The following FRMD5 variants were observed in gnomAD, a reference collection of about 807,000 sequenced individuals.
FRMD5 encodes the protein FERM domain containing 5.
In FRMD5, 20 loss-of-function variants were observed where a neutral mutation model predicts 69.0. The ratio of observed to expected loss-of-function variants is 0.29; its 90% CI spans 0.20 to 0.42. The LOEUF is 0.42. FRMD5 is among the 10% of genes least tolerant of loss of function. FRMD5 has a pLI of 1.00. For missense variants in FRMD5, 595 were observed against 708.6 expected (o/e 0.84, Z 1.82); for synonymous variants, 271 against 260.1 (o/e 1.04, Z -0.40).
intron 13 of FRMD5, chr15:43,879,623 G>C (rs2088467399): frequency 2.5e-6 from 1 of 399,020 alleles, no homozygotes; most frequent in East Asian, 3.6e-5. Flanking sequence ...TAGTCAGCCG[G>C]AGCTGGACCC....
Position 43,871,399 on chromosome 15 carries a change from C to T in FRMD5, c.*2486G>A, listed in dbSNP as rs1457295182. On this transcript the variant is annotated 3_prime_UTR_variant, in exon 14 of 14. Coordinates refer to ENST00000417257, the MANE Select transcript of FRMD5 (RefSeq NM_032892.5). ...TGTCTCTAATGTGAATATGAAAGGT[C>T]AGAGTTGAGGCTATCACTCACTGCA... 3 of 152,218 alleles carry T rather than the reference C, an allele frequency of 2.0e-5. No individual in the cohort carries two copies. The highest frequency in any genetic ancestry group is 6.5e-5 in the Admixed American group (1 of 15,284). 9.4% of individuals were successfully genotyped at this position (152,218 alleles called of 1,614,324 possible). A position where few individuals can be genotyped will look rare whatever the true frequency, so the allele number is the denominator to read the frequency against.
At chr15:44,096,403 CTTTTTTTTT>C (rs751057566) in intron 1 of FRMD5, among the ~76,000 whole-genome samples, 1 of 130,774 alleles carries the variant, frequency 7.6e-6, no homozygotes, top group Non-Finnish European at 1.6e-5. Context: ...TACGGTGTAT[CTTTTTTTTT>C]TTTTTTTTTA....
chr15:44,007,155 T>C (rs1270813447), intron 1 of FRMD5, among the ~76,000 whole-genome samples: 1 of 152,102 alleles, frequency 6.6e-6, no homozygotes, highest in Non-Finnish European at 1.5e-5. Context: ...TGCTGAAGGC[T>C]CAGGTAATTG....
chr15:44,036,298 T>C (rs1285895656), intron 1 of FRMD5, among the ~76,000 whole-genome samples: 1 of 152,088 alleles, frequency 6.6e-6, no homozygotes, highest in African/African-American at 2.4e-5. Context: ...ACTAAGTTCC[T>C]TCAATTAGTC....
At chr15:44,075,184 G>A (rs902501894) in intron 1 of FRMD5, among the ~76,000 whole-genome samples, 1 of 152,098 alleles carries the variant, frequency 6.6e-6, no homozygotes, top group Non-Finnish European at 1.5e-5. Context: ...TCTAAACATG[G>A]CTGGTTTGAT....
intron 1 of FRMD5, among the ~76,000 whole-genome samples, chr15:43,936,888 T>C (rs2089770692): frequency 6.6e-6 from 1 of 151,948 alleles, no homozygotes; most frequent in South Asian, 2.1e-4. Context: ...GCAAGTAAAA[T>C]GGCTTTGCTT....
At chr15:43,941,833 G>C (rs1480467787) in intron 1 of FRMD5, among the ~76,000 whole-genome samples, 1 of 152,164 alleles carries the variant, frequency 6.6e-6, no homozygotes, top group Non-Finnish European at 1.5e-5. Flanking sequence ...ATTTTCATAA[G>C]AAAGTGGGTC....
chr15:43,925,952 T>C (rs1293240191), intron 1 of FRMD5, among the ~76,000 whole-genome samples: 1 of 152,224 alleles, frequency 6.6e-6, no homozygotes, highest in East Asian at 1.9e-4. Flanking sequence ...TCTGTAATTA[T>C]CTTGTTGATT....
chr15:44,018,070 T>C (rs528144218), intron 1 of FRMD5, among the ~76,000 whole-genome samples: 17 of 152,346 alleles, frequency 1.1e-4, no homozygotes, highest in Non-Finnish European at 1.9e-4. Context: ...TTTAAATCAA[T>C]ATTTTATCTG....
At chr15:43,877,054 A>C (rs2088382236) in intron 13 of FRMD5, among the ~76,000 whole-genome samples, 1 of 152,180 alleles carries the variant, frequency 6.6e-6, no homozygotes, top group South Asian at 2.1e-4. Flanking sequence ...TTGGGCATAT[A>C]GTGAGTGAGC....
chr15:43,944,544 C>T (rs181944312), intron 1 of FRMD5, among the ~76,000 whole-genome samples: 301 of 152,276 alleles, frequency 2.0e-3, no homozygotes, highest in African/African-American at 7.1e-3. Context: ...ATTCTCTTGC[C>T]TCAGCTTCCT....
At chr15:44,040,954 T>C (rs1286578035) in intron 1 of FRMD5, among the ~76,000 whole-genome samples, 1 of 109,834 alleles carries the variant, frequency 9.1e-6, no homozygotes, top group South Asian at 2.9e-4. Flanking sequence ...AGGCTCAAAA[T>C]AAAGGGATGG....
chr15:43,873,447 A>G lies in FRMD5; in HGVS notation c.*438T>C. The G allele has an allele frequency of 7.0e-7, 1 of 1,429,168 alleles. No homozygotes were observed. The highest frequency in any genetic ancestry group is 3.0e-5 in the Admixed American group (1 of 33,774). 88.5% of individuals were successfully genotyped at this position (1,429,168 alleles called of 1,614,324 possible). ...TGGAACCCAGTGGCACCAGCAGGAA[A>G]AGCTCCTGCAGAATACAGAGGACAG... On this transcript the variant is annotated 3_prime_UTR_variant, in exon 14 of 14. Coordinates refer to ENST00000417257, the MANE Select transcript of FRMD5 (RefSeq NM_032892.5).
intron 1 of FRMD5, among the ~76,000 whole-genome samples, chr15:43,996,899 C>G (rs930358322): frequency 6.6e-6 from 1 of 151,976 alleles, no homozygotes; most frequent in Non-Finnish European, 1.5e-5. Flanking sequence ...TTGATAAACA[C>G]TGCTCTTGAA....
chr15:43,878,511 C>T (rs752214940), intron 13 of FRMD5, among the ~76,000 whole-genome samples: 6 of 152,224 alleles, frequency 3.9e-5, no homozygotes, highest in Non-Finnish European at 7.3e-5. Flanking sequence ...CCTCTGATCT[C>T]TCTTCCACAG....
intron 1 of FRMD5, chr15:43,989,665 A>C: frequency 1.1e-6 from 1 of 930,016 alleles, no homozygotes; most frequent in East Asian, 2.5e-5. Context: ...GCAGGATGGC[A>C]TGGGGGAGGG....
chr15:43,991,381 G>C (rs539805260), intron 1 of FRMD5, among the ~76,000 whole-genome samples: 3 of 152,160 alleles, frequency 2.0e-5, no homozygotes, highest in South Asian at 4.1e-4. Flanking sequence ...TTTGATGTAC[G>C]CAGCTCCCAC....
At chr15:44,035,053 T>C (rs1429114562) in intron 1 of FRMD5, among the ~76,000 whole-genome samples, 3 of 152,186 alleles carry the variant, frequency 2.0e-5, no homozygotes, top group Admixed American at 6.6e-5. Flanking sequence ...TCACTTTCTA[T>C]ATTTGCTTAA....
At chr15:44,072,607 T>G (rs2140417096) in intron 1 of FRMD5, among the ~76,000 whole-genome samples, 1 of 152,320 alleles carries the variant, frequency 6.6e-6, no homozygotes, top group South Asian at 2.1e-4. Flanking sequence ...GTTCTGGATG[T>G]TTTTGCTTTT....
Sources: allele counts gnomAD v4.1 joint callset (sites outside exome capture counted in the v4.1 genomes callset), GRCh38; gene constraint gnomAD v4.1.1; transcripts MANE v1.5; gene names NCBI Gene and HGNC (gene_info 2026-07-23, HGNC 2026-07-21).